MECOM: variants seen among roughly 807,000 people sequenced by gnomAD.
The protein encoded by MECOM is MDS1 and EVI1 complex locus.
A neutral mutation model predicts 116.3 loss-of-function variants in MECOM; 13 were observed. That is an observed-to-expected ratio of 0.11 (90% CI 0.07 to 0.18). The LOEUF is 0.18. Among genes scored for constraint, MECOM ranks in the 10% least tolerant of loss-of-function variants. The probability of loss-of-function intolerance (pLI) is 1.00; values close to 1 mark genes in which losing one functional copy is unlikely to be tolerated. For synonymous variants in MECOM, 528 were observed against 535.2 expected (o/e 0.99, Z 0.19); for missense variants, 1,299 against 1,509.0 (o/e 0.86, Z 2.31).
chr3:169,503,350 G>C (rs1754781870), intron 1 of MECOM, among the ~76,000 whole-genome samples: 3 of 152,056 alleles, frequency 2.0e-5, no homozygotes, highest in Non-Finnish European at 4.4e-5. Context: ...AACTAGAACT[G>C]CATAAATCAT....
chr3:169,544,659 G>A (rs148318707), intron 1 of MECOM, among the ~76,000 whole-genome samples: 1 of 152,140 alleles, frequency 6.6e-6, no homozygotes, highest in African/African-American at 2.4e-5. Flanking sequence ...AGAAAAGGTG[G>A]TGCATATACA....
chr3:169,239,655 C>T (rs1754536253), intron 2 of MECOM, among the ~76,000 whole-genome samples: 1 of 151,998 alleles, frequency 6.6e-6, no homozygotes, highest in South Asian at 2.1e-4. Context: ...AGCAAGCTTA[C>T]CATTTCTGTG....
At chr3:169,388,080 A>G (rs1733661362) in intron 1 of MECOM, among the ~76,000 whole-genome samples, 1 of 151,850 alleles carries the variant, frequency 6.6e-6, no homozygotes. Flanking sequence ...AGAGCGGAGG[A>G]TGTGTGCCCT....
chr3:169,472,633 A>AAAAGAAAAGAAAAGAAAAGG (rs1749680508), intron 1 of MECOM, among the ~76,000 whole-genome samples: 11 of 60,324 alleles, frequency 1.8e-4, no homozygotes, highest in African/African-American at 1.0e-3. Flanking sequence ...AAAAGAAAAG[A>AAAAGAAAAGAAAAGAAAAGG]AAAGGAAAGG....
chr3:169,464,453 C>T (rs930787826), intron 1 of MECOM, among the ~76,000 whole-genome samples: 7 of 152,060 alleles, frequency 4.6e-5, no homozygotes, highest in Admixed American at 2.0e-4. Context: ...GATGTCTCGC[C>T]GTGTAGATCT....
At chr3:169,353,242 G>A (rs1036278885) in intron 2 of MECOM, among the ~76,000 whole-genome samples, 19 of 151,678 alleles carry the variant, frequency 1.3e-4, no homozygotes, top group South Asian at 8.3e-4. Context: ...ATAATGAGTC[G>A]GGAATTAAGA....
chr3:169,423,661 C>G (rs76355914), intron 1 of MECOM, among the ~76,000 whole-genome samples: 4,787 of 152,034 alleles, frequency 0.031, 180 homozygotes, highest in African/African-American at 0.088. Flanking sequence ...AATAAGATGC[C>G]TTATTAATAG....
At chr3:169,241,631 G>T (rs1264783957) in intron 2 of MECOM, among the ~76,000 whole-genome samples, 1 of 152,080 alleles carries the variant, frequency 6.6e-6, no homozygotes, top group Non-Finnish European at 1.5e-5. Context: ...ATTACTTTTG[G>T]GGAAAGTGTA....
chr3:169,544,372 T>C (rs1390314981), intron 1 of MECOM, among the ~76,000 whole-genome samples: 3 of 152,204 alleles, frequency 2.0e-5, no homozygotes, highest in African/African-American at 7.2e-5. Flanking sequence ...TCTTTGGGTA[T>C]ATACCCAGTA....
At chr3:169,580,148 T>C (rs1764953232) in intron 1 of MECOM, among the ~76,000 whole-genome samples, 1 of 152,232 alleles carries the variant, frequency 6.6e-6, no homozygotes, top group South Asian at 2.1e-4. Flanking sequence ...GTCTATATTT[T>C]GAAGTGCAGA....
Position 169,663,494 on chromosome 3 carries a change from C to G in MECOM, c.-122G>C, listed in dbSNP as rs1776602533. On this transcript the variant is annotated 5_prime_UTR_variant, in exon 1 of 17. Transcript: ENST00000651503. ...CTCCTGTCTCTCTCTCTCTCTCTCT[C>G]TCTCTCTCTCTCTCTCTCTCTCTCT... The G allele has an allele frequency of 3.3e-6, 2 of 614,480 alleles. No individual in the cohort carries two copies. Among genetic ancestry groups the G allele is most frequent in the Non-Finnish European group, 5.8e-6 (2 of 346,006 alleles). The allele number at this position is 614,480 out of a possible 1,614,324, so 38.1% of individuals were successfully genotyped here.
intron 2 of MECOM, among the ~76,000 whole-genome samples, chr3:169,294,603 AAAAC>A (rs1294256510): frequency 1.3e-5 from 2 of 152,162 alleles, no homozygotes; most frequent in East Asian, 3.9e-4. Context: ...AGCCACTAGA[AAAAC>A]AAACAAACAA....
At chr3:169,191,768 AAGAAAGAAAG>A (rs1747703318) in intron 2 of MECOM, among the ~76,000 whole-genome samples, 2 of 129,718 alleles carry the variant, frequency 1.5e-5, no homozygotes, top group Non-Finnish European at 3.2e-5. Flanking sequence ...GAAAGAAAGA[AAGAAAGAAAG>A]AAAGAAAGAA....
chr3:169,197,467 A>G (rs566938347), intron 2 of MECOM, among the ~76,000 whole-genome samples: 1 of 152,050 alleles, frequency 6.6e-6, no homozygotes, highest in Non-Finnish European at 1.5e-5. Context: ...CAGAGGCTTC[A>G]TGACTGATTT....
rs113586047 is a variant in MECOM, at chr3:169,485,973, CATAT to C, written c.38-104453_38-104450del. ...TATATGTACATATATACTATATATA[CATAT>C]ATATATAGTATATATATGTATATAT... On this transcript the variant is annotated intron_variant, in intron 1 of 16. Transcript: ENST00000651503. Among the ~76,000 whole-genome samples the C allele has an allele frequency of 2.2e-4, 12 of 53,868 alleles. 1 individual carries two copies. The highest frequency in any genetic ancestry group is 7.8e-4 in the African/African-American group (11 of 14,186). The allele number at this position is 53,868 out of a possible 152,430, so 35.3% of individuals were successfully genotyped here.
intron 2 of MECOM, among the ~76,000 whole-genome samples, chr3:169,165,680 CTTTT>C (rs891766126): frequency 3.3e-5 from 5 of 152,086 alleles, no homozygotes; most frequent in African/African-American, 9.7e-5. Context: ...ATGCTAGTGA[CTTTT>C]TTATTTCCTT....
At chr3:169,432,810 G>A (rs1741853828) in intron 1 of MECOM, among the ~76,000 whole-genome samples, 1 of 152,220 alleles carries the variant, frequency 6.6e-6, no homozygotes, top group Non-Finnish European at 1.5e-5. Flanking sequence ...ACAGTTAAAA[G>A]GGAAAAGGTT....
intron 1 of MECOM, among the ~76,000 whole-genome samples, chr3:169,518,056 G>A (rs879364842): frequency 2.0e-5 from 3 of 152,136 alleles, no homozygotes; most frequent in Admixed American, 1.3e-4. Context: ...TCAGGAGATC[G>A]AGACCATCCT....
intron 1 of MECOM, among the ~76,000 whole-genome samples, chr3:169,405,284 CAA>C (rs146037301): frequency 0.026 from 3,935 of 152,092 alleles, 118 homozygotes; most frequent in African/African-American, 0.071. Context: ...TCTTAAACCA[CAA>C]AGAGTCTCTG....
Sources: allele counts gnomAD v4.1 joint callset (sites outside exome capture counted in the v4.1 genomes callset), GRCh38; gene constraint gnomAD v4.1.1; transcripts MANE v1.5; gene names NCBI Gene and HGNC (gene_info 2026-07-23, HGNC 2026-07-21).